PIDD1: variants seen among roughly 807,000 people sequenced by gnomAD.
The protein encoded by PIDD1 is p53-induced death domain-containing protein 1.
Under a neutral mutation model 80.0 loss-of-function variants are expected in PIDD1, and 72 were observed. The observed-to-expected ratio is 0.90, with a 90% confidence interval of 0.74 to 1.09. PIDD1 has a LOEUF of 1.09. Among genes scored for constraint, PIDD1 ranks in the 50% least tolerant of loss-of-function variants. The pLI, the probability that PIDD1 is intolerant of heterozygous loss-of-function variation, is 0.00. For synonymous variants in PIDD1, 655 were observed against 543.5 expected (o/e 1.21, Z -2.85); for missense variants, 1,329 against 1,228.3 (o/e 1.08, Z -1.23).
Position 799,558 on chromosome 11 carries a change from G to C in PIDD1, c.2482C>G (p.Leu828Val). 6.3e-7 allele frequency: 1 copy of C among 1,597,148 alleles called. No homozygotes were observed. The highest frequency in any genetic ancestry group is 1.7e-5 in the Admixed American group (1 of 59,782). ...AGCATGTGACGGATCTGCTCATCCA[G>C]ATCATCCCTGCAGGCAGAGGATGGG... ...QRIRHEFRDDLDEQIRHMLFS... is the reference protein window; with the variant it reads ...QRIRHEFRDDVDEQIRHMLFS... The change falls in exon 16 of 16, where the codon CTG becomes GTG. Residue 828 changes from leucine (L) to valine (V), a missense_variant. Physicochemically the swap from Leu to Val is conservative, Grantham distance 32. Coordinates refer to ENST00000347755, the MANE Select transcript of PIDD1 (RefSeq NM_145886.4).
upstream of PIDD1, chr11:805,551 C>A (rs972649279): frequency 1.1e-6 from 1 of 929,972 alleles, no homozygotes; most frequent in Non-Finnish European, 1.3e-6. Context: ...CCGAGGCAGA[C>A]CCGGCCCCAG....
At chr11:807,593 C>T (rs143671964), upstream of PIDD1, among the ~76,000 whole-genome samples, 4,438 of 151,384 alleles carry the variant, frequency 0.029, 83 homozygotes, top group African/African-American at 0.064. Context: ...TTGGCTAACA[C>T]GGTGAAACCC....
In PIDD1 at chr11:801,167, C is replaced by G. The variant is rs1356278279; in HGVS notation, c.1631-47G>C. ...AGCTGAGGCCTCCTGGCCGGAGACCCCCTCCACCCTATGGCCACAGGTCCA... is the reference window on the plus strand; with the variant it reads ...AGCTGAGGCCTCCTGGCCGGAGACCGCCTCCACCCTATGGCCACAGGTCCA... On this transcript the variant is annotated intron_variant, in intron 9 of 15. Transcript: ENST00000347755. 4 of 1,545,200 alleles carry G rather than the reference C, an allele frequency of 2.6e-6. No individual in the cohort carries two copies. In the South Asian group the frequency reaches 3.7e-5, roughly 14 times the overall value.
chr11:806,582 CTT>C (rs367814833), upstream of PIDD1, among the ~76,000 whole-genome samples: 11 of 144,044 alleles, frequency 7.6e-5, no homozygotes, highest in South Asian at 2.2e-4. Flanking sequence ...CTGGAGGGAT[CTT>C]TTTTTTTTTT....
At position 800,805 on chromosome 11, in the gene PIDD1, C is replaced by T. The variant is rs1383213988; in HGVS notation, c.1874G>A (p.Arg625Gln). ...RVNLIALQRRRDPEQVLLQCL... is the reference protein window; with the variant it reads ...RVNLIALQRRQDPEQVLLQCL... ...CTGCAGCAGGACCTGCTCAGGGTCC[C>T]GGCGCCGCTGCAGAGCGATGAGGTT... The change falls in exon 11 of 16, where the codon CGG (arginine) becomes CAG (glutamine). Residue 625 changes from arginine to glutamine, a missense_variant. Arg to Gln is a conservative substitution (Grantham distance 43). Coordinates refer to ENST00000347755, the MANE Select transcript of PIDD1 (RefSeq NM_145886.4). 1.2e-5 allele frequency: 18 copies of T among 1,556,744 alleles called. No individual in the cohort carries two copies. The highest frequency in any genetic ancestry group is 7.7e-5 in the Admixed American group (4 of 51,768).
At chr11:799,674 G>C (rs1317855277) in intron 15 of PIDD1, 109 bp from the exon 16 acceptor site, 40 of 1,400,084 alleles carry the variant, frequency 2.9e-5, no homozygotes, top group South Asian at 4.3e-5. Context: ...GGCCAGGTGC[G>C]GCCAGACCTT....
intron 2 of PIDD1, chr11:803,837 A>G: frequency 1.6e-6 from 1 of 629,358 alleles, no homozygotes; most frequent in Non-Finnish European, 2.8e-6. Context: ...CAACATCTGC[A>G]CTGTGGTCTG....
Position 800,802 on chromosome 11 carries a change from T to A in PIDD1, c.1877A>T (p.Asp626Val). The change falls in exon 11 of 16, where the codon GAC (aspartate) becomes GTC (valine). Residue 626 changes from aspartate to valine, a missense_variant. Transcript: ENST00000347755. Reference protein sequence around the residue: ...VNLIALQRRRDPEQVLLQCLP... With the variant: ...VNLIALQRRRVPEQVLLQCLP... ...GCACTGCAGCAGGACCTGCTCAGGG[T>A]CCCGGCGCCGCTGCAGAGCGATGAG... is the stretch of plus-strand genomic sequence containing the variant. 1 of 1,556,302 alleles carries A rather than the reference T, an allele frequency of 6.4e-7. No individual in the cohort carries two copies. Among genetic ancestry groups the A allele is most frequent in the African/African-American group, 1.4e-5 (1 of 73,684 alleles).
rs776420971 is a variant in PIDD1, at chr11:804,106, G to C, written c.283C>G (p.Leu95Val). The C allele has an allele frequency of 6.2e-7, 1 of 1,609,794 alleles. No homozygotes were observed. Among genetic ancestry groups the C allele is most frequent in the African/African-American group, 1.3e-5 (1 of 74,892 alleles). Residue 95 changes from leucine (L) to valine (V), a missense_variant, in exon 2 of 16, where the codon CTG (leucine) becomes GTG (valine). Physicochemically the swap from Leu to Val is conservative, Grantham distance 32. Coordinates refer to ENST00000347755, the MANE Select transcript of PIDD1 (RefSeq NM_145886.4). ...AGGTGGAACTCACCTTTGAGGACCA[G>C]GGAGCGGAGGCAGGACAGGCTCTGA... is the stretch of plus-strand genomic sequence containing the variant. The part of the protein sequence containing the change: ...LPQSLSCLRS[L>V]VLKGGQRRDT...
chr11:803,492 C>G lies in PIDD1; in HGVS notation c.391G>C (p.Asp131His). The G allele has an allele frequency of 6.2e-7, 1 of 1,613,626 alleles. No individual in the cohort carries two copies. Among genetic ancestry groups the G allele is most frequent in the South Asian group, 1.1e-5 (1 of 91,084 alleles). Residue 131 changes from aspartate to histidine, a missense_variant, in exon 3 of 16, where the codon GAC becomes CAC. Asp to His is a moderately conservative substitution (Grantham distance 81). Transcript: ENST00000347755. Reference sequence around the variant, plus strand: ...GTCTCCAGGCTGTTGAAGCTCAGGTCCAGGTGGGCCAGATGGGCCAGGCCA... The same window carrying G: ...GTCTCCAGGCTGTTGAAGCTCAGGTGCAGGTGGGCCAGATGGGCCAGGCCA... ...LSGLAHLAHL[D>H]LSFNSLETLP...
intron 1 of PIDD1, 121 bp from the exon 2 acceptor site, chr11:804,584 T>C: frequency 9.7e-7 from 1 of 1,030,170 alleles, no homozygotes; most frequent in Non-Finnish European, 1.3e-6. Context: ...GGCTGCAGAG[T>C]GGGGGAGACC....
At chr11:807,074 C>G (rs998552544), upstream of PIDD1, among the ~76,000 whole-genome samples, 1 of 152,106 alleles carries the variant, frequency 6.6e-6, no homozygotes. Flanking sequence ...CGCCTGTAAT[C>G]CCAGCTACTG....
At chr11:808,650 C>G (rs995531952), upstream of PIDD1, among the ~76,000 whole-genome samples, 3 of 152,114 alleles carry the variant, frequency 2.0e-5, no homozygotes, top group Non-Finnish European at 1.5e-5. Context: ...GAGCTGTGAT[C>G]GAGCCACTGC....
chr11:802,028 GACC>G lies in PIDD1; in HGVS notation c.1236_1238del (p.Val413del), dbSNP rs1565060714. On this transcript the variant is annotated inframe_deletion, in exon 7 of 16. Coordinates refer to ENST00000347755, the MANE Select transcript of PIDD1 (RefSeq NM_145886.4). ...CCCAGCTGTTGTCATTCCGGGTCCTGACCACCACTTCACGGCAGCGCCGGGCCT... is the reference window on the plus strand; with the variant it reads ...CCCAGCTGTTGTCATTCCGGGTCCTGACCACTTCACGGCAGCGCCGGGCCT... 2 of 1,601,420 alleles carry G rather than the reference GACC, an allele frequency of 1.2e-6. No individual in the cohort carries two copies. Among genetic ancestry groups the G allele is most frequent in the East Asian group, 2.3e-5 (1 of 44,356 alleles).
chr11:803,475 G>A lies in PIDD1; in HGVS notation c.408C>T (p.Ser136=), dbSNP rs1227638471. The A allele has an allele frequency of 6.2e-6, 10 of 1,613,782 alleles. No homozygotes were observed. The highest frequency in any genetic ancestry group is 8.5e-6 in the Non-Finnish European group (10 of 1,180,018). The stretch of plus-strand genomic sequence containing the variant: ...GGACACAGGCCGGCAGTGTCTCCAG[G>A]CTGTTGAAGCTCAGGTCCAGGTGGG... ...HLAHLDLSFN[S]LETLPACVLQ... is the part of the protein sequence containing the mutation. The change falls in exon 3 of 16, where the codon AGC becomes AGT. Residue 136 remains serine, a synonymous_variant. Coordinates refer to ENST00000347755, the MANE Select transcript of PIDD1 (RefSeq NM_145886.4).
intron 3 of PIDD1, 89 bp downstream of exon 3, chr11:803,085 C>A (rs1186055061): frequency 3.7e-6 from 4 of 1,080,656 alleles, no homozygotes; most frequent in Admixed American, 2.2e-5. Flanking sequence ...GTGGACCAAG[C>A]CTGTGGGTGC....
chr11:804,543 G>A (rs556595463), intron 1 of PIDD1, 80 bp from the exon 2 acceptor site: 544 of 1,378,260 alleles, frequency 3.9e-4, no homozygotes, highest in Non-Finnish European at 4.8e-4. Flanking sequence ...GGATGGAGTG[G>A]GGAGCTCTAG....
chr11:803,238 G>A lies in PIDD1; in HGVS notation c.645C>T (p.Gly215=). ...LLDTLPPEIG[G]LGSLLELNLA... is the part of the protein sequence containing the mutation. ...GGTTGAGCTCCAGGAGGCTGCCCAG[G>A]CCTCCAATCTCAGGAGGTAGCGTGT... Residue 215 remains glycine (G), a synonymous_variant, in exon 3 of 16, where the codon GGC becomes GGT. Transcript: ENST00000347755. 6.2e-7 allele frequency: 1 copy of A among 1,612,746 alleles called. No homozygotes were observed. Among genetic ancestry groups the A allele is most frequent in the Non-Finnish European group, 8.5e-7 (1 of 1,179,936 alleles).
rs375514556 is a variant in PIDD1, at chr11:799,834, G to A, written c.2455C>T (p.Arg819Cys). ...CCTCACCGGAACTCGTGCCGGATGC[G>A]CTGCACCTCCCGGTAGGACACCCCC... ...HLGVSYREVQ[R>C]IRHEFRDDLD... is the part of the protein sequence containing the mutation. The change falls in exon 15 of 16, where the codon CGC becomes TGC. Residue 819 changes from arginine (R) to cysteine (C), a missense_variant. Transcript: ENST00000347755. 32 of 1,597,168 alleles carry A rather than the reference G, an allele frequency of 2.0e-5. No individual in the cohort carries two copies. Among genetic ancestry groups the A allele is most frequent in the African/African-American group, 1.7e-4 (13 of 74,706 alleles).
Sources: gnomAD v4.1 joint callset for allele counts (sites outside exome capture counted in the v4.1 genomes callset) on GRCh38, gnomAD v4.1.1 for gene constraint, MANE v1.5 for transcripts, NCBI Gene and HGNC (gene_info 2026-07-23, HGNC 2026-07-21) for gene names.